Variants in IQCH observed in about 807,000 individuals in gnomAD.
IQCH encodes the protein IQ domain-containing protein H.
In IQCH, 98 loss-of-function variants were observed where a neutral mutation model predicts 117.0. The observed-to-expected ratio is 0.84, with a 90% confidence interval of 0.71 to 0.99. The LOEUF (loss-of-function observed/expected upper bound fraction) is 0.99, where lower values mean the gene tolerates loss of function less well. IQCH is among the 50% of genes least tolerant of loss of function. The pLI, the probability that IQCH is intolerant of heterozygous loss-of-function variation, is 0.00. For synonymous variants in IQCH, 412 were observed against 448.2 expected, an observed-to-expected ratio of 0.92 and a Z score of 1.02; for missense variants, 1,102 against 1,243.8, an observed-to-expected ratio of 0.89 and a Z score of 1.72.
chr15:67,443,422 G>A lies in IQCH; in HGVS notation c.2506-21705G>A, dbSNP rs2082325803. Among the ~76,000 whole-genome samples the A allele has an allele frequency of 6.6e-6, 1 of 152,120 alleles. No homozygotes were observed. ...ATGATACAATCGACTTTGGGGACTT[G>A]GGGGAAAGAGTGGGAGGGGGTGAGG... On this transcript the variant is annotated intron_variant, in intron 16 of 20. Transcript: ENST00000335894. The surrounding 1 kb of genome is among the most constrained non-coding windows in gnomAD (Gnocchi z 5.0).
At chr15:67,488,539 T>C (rs1372074259) in intron 18 of IQCH, among the ~76,000 whole-genome samples, 1 of 152,200 alleles carries the variant, frequency 6.6e-6, no homozygotes, top group Non-Finnish European at 1.5e-5. Context: ...TTTACAAAAT[T>C]GTAAAATATC....
intron 4 of IQCH, among the ~76,000 whole-genome samples, chr15:67,284,019 A>G (rs1330932814): frequency 6.6e-6 from 1 of 152,174 alleles, no homozygotes; most frequent in African/African-American, 2.4e-5. Flanking sequence ...CCATCACCTC[A>G]AGATTGCATT....
At chr15:67,421,928 G>A (rs577888210) in intron 16 of IQCH, among the ~76,000 whole-genome samples, 2 of 152,232 alleles carry the variant, frequency 1.3e-5, no homozygotes, top group East Asian at 3.9e-4. Flanking sequence ...GAGAAACCCT[G>A]TCTCTACTAA....
chr15:67,279,170 C>A (rs1235070950), intron 3 of IQCH, among the ~76,000 whole-genome samples: 2 of 152,070 alleles, frequency 1.3e-5, no homozygotes, highest in Non-Finnish European at 2.9e-5. Context: ...GCTTTTTATT[C>A]ATGCTATAAT....
chr15:67,272,622 T>C (rs546434228), intron 3 of IQCH, among the ~76,000 whole-genome samples: 13 of 152,366 alleles, frequency 8.5e-5, no homozygotes, highest in African/African-American at 3.1e-4. Flanking sequence ...GTTGCGTGCA[T>C]AGACACTTAC....
chr15:67,328,763 A>G (rs2140629937), intron 4 of IQCH, among the ~76,000 whole-genome samples: 1 of 152,374 alleles, frequency 6.6e-6, no homozygotes, highest in Non-Finnish European at 1.5e-5. Context: ...TCTCACAACC[A>G]GTTTTGAAAG....
intron 13 of IQCH, among the ~76,000 whole-genome samples, chr15:67,398,142 A>G (rs1386121624): frequency 1.3e-5 from 2 of 152,132 alleles, no homozygotes; most frequent in Non-Finnish European, 2.9e-5. Flanking sequence ...ATAGATAATA[A>G]TTCTGTTAGT....
chr15:67,374,007 C>T (rs966618959), intron 10 of IQCH: 1 of 154,612 alleles, frequency 6.5e-6, no homozygotes, highest in Non-Finnish European at 1.4e-5. Flanking sequence ...TCTGCAGTTT[C>T]ATGTTAATTA....
chr15:67,295,646 C>T (rs2140513958), intron 4 of IQCH, among the ~76,000 whole-genome samples: 1 of 152,266 alleles, frequency 6.6e-6, no homozygotes, highest in South Asian at 2.1e-4. Context: ...ACTTCAGGTA[C>T]ATGAGAGGAC....
chr15:67,389,047 T>G (rs745813222), intron 12 of IQCH, 41 bp downstream of exon 12: 11 of 1,514,706 alleles, frequency 7.3e-6, no homozygotes, highest in Admixed American at 1.8e-5. Context: ...AGGGATGCAG[T>G]AAAATTAAAT....
At chr15:67,358,156 G>GC (rs1969976420) in intron 7 of IQCH, among the ~76,000 whole-genome samples, 1 of 61,012 alleles carries the variant, frequency 1.6e-5, no homozygotes, top group Non-Finnish European at 3.7e-5. Flanking sequence ...ACCACGCCTG[G>GC]CCTTTTTTTT....
rs1971238623 is a variant in IQCH, at chr15:67,390,164, A to G, written c.1632+1158A>G. Among the ~76,000 whole-genome samples, 1 of 152,206 alleles carries G rather than the reference A, an allele frequency of 6.6e-6. No homozygotes were observed. Among genetic ancestry groups the G allele is most frequent in the South Asian group, 2.1e-4 (1 of 4,832 alleles). On this transcript the variant is annotated intron_variant, in intron 12 of 20. Coordinates refer to ENST00000335894, the MANE Select transcript of IQCH (RefSeq NM_001031715.3). The surrounding 1 kb of genome is among the most constrained non-coding windows in gnomAD (Gnocchi z 5.0). ...GACAAGTGACAAATCACTGCCGTTT[A>G]TGTACATTCTTGGGAACCTTCCAAT...
chr15:67,263,018 G>A, intron 2 of IQCH, 104 bp from the exon 3 acceptor site: 2 of 707,604 alleles, frequency 2.8e-6, no homozygotes, highest in Non-Finnish European at 2.5e-6. Context: ...GCATGTTGTG[G>A]TTTTGGCTTA....
rs118116382 is a variant in IQCH, at chr15:67,453,028, G to T, written c.2506-12099G>T. Among the ~76,000 whole-genome samples the T allele has an allele frequency of 2.9e-3, 436 of 152,132 alleles. 20 individuals are homozygous for T. In the East Asian group the frequency reaches 0.075, roughly 26 times the overall value. On this transcript the variant is annotated intron_variant, in intron 16 of 20. Coordinates refer to ENST00000335894, the MANE Select transcript of IQCH (RefSeq NM_001031715.3). This position sits in a 1 kb window ranked among gnomAD's most constrained non-coding sequence, Gnocchi z 5.8. ...CCAGTTGATCACGTCGGCTAATAAG[G>T]CTTCTGCATTCGTCACGTAGCTCTC...
chr15:67,487,320 G>A (rs138382770), intron 18 of IQCH, among the ~76,000 whole-genome samples: 1 of 152,216 alleles, frequency 6.6e-6, no homozygotes, highest in East Asian at 1.9e-4. Flanking sequence ...GTGACCGAGT[G>A]AGACTCTGTC....
rs1216909201 is a variant in IQCH at position 67,413,112 on chromosome 15, T to C, written c.2098-3819T>C. On this transcript the variant is annotated intron_variant, in intron 14 of 20. Coordinates refer to ENST00000335894, the MANE Select transcript of IQCH (RefSeq NM_001031715.3). The surrounding 1 kb of genome is among the most constrained non-coding windows in gnomAD (Gnocchi z 5.0). ...GTGTGTGTGTGTGTCTGTGTGTACA[T>C]AAGTTTGTTTTGAACAAAATAAACT... is the stretch of plus-strand genomic sequence containing the variant. Among the ~76,000 whole-genome samples, 1 of 152,020 alleles carries C rather than the reference T, an allele frequency of 6.6e-6. No individual in the cohort carries two copies. Among genetic ancestry groups the C allele is most frequent in the Non-Finnish European group, 1.5e-5 (1 of 67,978 alleles).
chr15:67,428,038 C>T (rs1391683128), intron 16 of IQCH, among the ~76,000 whole-genome samples: 3 of 152,100 alleles, frequency 2.0e-5, no homozygotes, highest in African/African-American at 7.2e-5. Flanking sequence ...GTTGGCCAGG[C>T]TGGTCTTGAA....
At chr15:67,287,663 G>C (rs1296153034) in intron 4 of IQCH, among the ~76,000 whole-genome samples, 1 of 151,592 alleles carries the variant, frequency 6.6e-6, no homozygotes, top group African/African-American at 2.4e-5. Context: ...TTCTTAGTCT[G>C]GTTAAAGGTT....
intron 14 of IQCH, among the ~76,000 whole-genome samples, chr15:67,414,370 A>G (rs920321128): frequency 6.6e-6 from 1 of 152,088 alleles, no homozygotes; most frequent in Non-Finnish European, 1.5e-5. Context: ...TCCCAATTGA[A>G]GAGAAGGCTT....
Sources: gnomAD v4.1 joint callset for allele counts (sites outside exome capture counted in the v4.1 genomes callset) on GRCh38, gnomAD v4.1.1 for gene constraint, Gnocchi (gnomAD v3.1) non-coding constraint, MANE v1.5 for transcripts, NCBI Gene and HGNC (gene_info 2026-07-23, HGNC 2026-07-21) for gene names.